RBM20: variants seen among roughly 807,000 people sequenced by gnomAD.
The protein encoded by RBM20 is RNA binding motif protein 20.
A neutral mutation model predicts 110.1 loss-of-function variants in RBM20; 51 were observed. The observed-to-expected ratio is 0.46, with a 90% CI of 0.37 to 0.59. The LOEUF (loss-of-function observed/expected upper bound fraction) is 0.59. Among genes scored for constraint, RBM20 ranks in the 20% least tolerant of loss-of-function variants. The pLI, the probability that RBM20 is intolerant of heterozygous loss-of-function variation, is 0.00. For synonymous variants in RBM20, 589 were observed against 618.2 expected, an observed-to-expected ratio of 0.95 and a Z score of 0.70; for missense variants, 1,512 against 1,574.9, an observed-to-expected ratio of 0.96 and a Z score of 0.68.
At chr10:110,748,646 T>A (rs1470475024) in intron 1 of RBM20, among the ~76,000 whole-genome samples, 2 of 152,160 alleles carry the variant, frequency 1.3e-5, no homozygotes, top group Non-Finnish European at 2.9e-5. Flanking sequence ...AGTTGTTGTG[T>A]CCCTGGACTA....
chr10:110,678,214 CA>C (rs1441699948), intron 1 of RBM20, among the ~76,000 whole-genome samples: 1 of 152,094 alleles, frequency 6.6e-6, no homozygotes, highest in Non-Finnish European at 1.5e-5. Flanking sequence ...TTTATCCACA[CA>C]AAACAAATCC....
chr10:110,752,736 A>G (rs1843869221), intron 1 of RBM20, among the ~76,000 whole-genome samples: 1 of 151,970 alleles, frequency 6.6e-6, no homozygotes, highest in African/African-American at 2.4e-5. Context: ...GGGTCAATAA[A>G]TGGGATGCCC....
At chr10:110,720,793 T>G (rs898429803) in intron 1 of RBM20, among the ~76,000 whole-genome samples, 4 of 151,218 alleles carry the variant, frequency 2.6e-5, no homozygotes, top group Non-Finnish European at 5.9e-5. Context: ...GGAGTGACCG[T>G]TGAAAATGCA....
chr10:110,799,531 C>G (rs7086491), intron 6 of RBM20, among the ~76,000 whole-genome samples: 2 of 151,940 alleles, frequency 1.3e-5, no homozygotes, highest in Non-Finnish European at 2.9e-5. Context: ...TTCCATTAAT[C>G]GGTTACATGT....
chr10:110,727,144 T>A (rs1391724451), intron 1 of RBM20, among the ~76,000 whole-genome samples: 2 of 51,388 alleles, frequency 3.9e-5, no homozygotes, highest in South Asian at 5.7e-4. Flanking sequence ...GCACCCAGCC[T>A]TTTTTTTTTT....
chr10:110,767,459 G>T (rs1389288400), intron 1 of RBM20, among the ~76,000 whole-genome samples: 3 of 151,170 alleles, frequency 2.0e-5, no homozygotes, highest in Non-Finnish European at 4.4e-5. Flanking sequence ...AGACGGGGTG[G>T]CTGCCGGGCG....
rs374921844 is a variant in RBM20, at chr10:110,781,491, C to T, written c.882C>T (p.Ser294=). 29 of 1,551,512 alleles carry T rather than the reference C, an allele frequency of 1.9e-5. No homozygotes were observed. In the African/African-American group the frequency reaches 2.3e-4, roughly 12 times the overall value. Residue 294 remains serine (S), a synonymous_variant, in exon 2 of 14, where the codon AGC becomes AGT. Coordinates refer to ENST00000369519, the MANE Select transcript of RBM20 (RefSeq NM_001134363.3). ...GPNSQGSHVA[S]GFPAEQAGGL... The stretch of plus-strand genomic sequence containing the variant: ...ACTCCCAAGGTTCACATGTGGCCAG[C>T]GGATTTCCAGCTGAGCAGGCTGGGG...
At chr10:110,725,197 C>T (rs1020348370) in intron 1 of RBM20, among the ~76,000 whole-genome samples, 3 of 152,188 alleles carry the variant, frequency 2.0e-5, no homozygotes, top group African/African-American at 7.2e-5. Context: ...GTGGTGCTAA[C>T]ATTTTGGAAT....
intron 7 of RBM20, among the ~76,000 whole-genome samples, chr10:110,805,226 C>T (rs913022366): frequency 2.0e-5 from 3 of 152,124 alleles, no homozygotes; most frequent in Admixed American, 6.5e-5. Context: ...TGGCAAAAGG[C>T]AGTGTGACTG....
In RBM20 at chr10:110,812,590, G is replaced by A; in HGVS notation, c.2193G>A (p.Arg731=). 2 of 1,551,638 alleles carry A rather than the reference G, an allele frequency of 1.3e-6. No individual in the cohort carries two copies. The highest frequency in any genetic ancestry group is 1.2e-5 in the South Asian group (1 of 84,050). ...TGGACGAGCGACCAGAAGGAGGGAG[G>A]CCCCACCGGGAGAAGTACCCGAGAT... ...AELDERPEGG[R]PHREKYPRSG... The change falls in exon 9 of 14, where the codon AGG becomes AGA. Residue 731 remains arginine (R), a synonymous_variant. Coordinates refer to ENST00000369519, the MANE Select transcript of RBM20 (RefSeq NM_001134363.3).
rs1044505136 is a variant in RBM20 at position 110,782,653 on chromosome 10, G to A, written c.1276-713G>A. Reference sequence around the variant, plus strand: ...ATGACTTACTCAGCCCCTTCTCCCCGCCACCTCCCCAGCTTGAAAGTGGCA... The same window carrying A: ...ATGACTTACTCAGCCCCTTCTCCCCACCACCTCCCCAGCTTGAAAGTGGCA... On this transcript the variant is annotated intron_variant, in intron 2 of 13. Coordinates refer to ENST00000369519, the MANE Select transcript of RBM20 (RefSeq NM_001134363.3). Among the ~76,000 whole-genome samples the A allele has an allele frequency of 1.3e-4, 20 of 152,040 alleles. 1 individual carries two copies. The highest frequency in any genetic ancestry group is 3.8e-4 in the East Asian group (2 of 5,202).
intron 1 of RBM20, among the ~76,000 whole-genome samples, chr10:110,762,825 A>G (rs1844024450): frequency 6.6e-6 from 1 of 152,230 alleles, no homozygotes; most frequent in African/African-American, 2.4e-5. Flanking sequence ...GCTTTTCAAT[A>G]AACTCTTAGT....
intron 13 of RBM20, among the ~76,000 whole-genome samples, chr10:110,832,664 C>T (rs958684721): frequency 4.6e-5 from 7 of 152,192 alleles, no homozygotes; most frequent in African/African-American, 1.4e-4. Flanking sequence ...AGGATCAAAT[C>T]GCCTGATTCT....
intron 1 of RBM20, among the ~76,000 whole-genome samples, chr10:110,723,609 C>T (rs1843532300): frequency 6.6e-6 from 1 of 152,196 alleles, no homozygotes; most frequent in Non-Finnish European, 1.5e-5. Context: ...TTTTTGATTT[C>T]AGCCATTCTA....
At chr10:110,783,552 C>A in intron 3 of RBM20, 125 bp downstream of exon 3, 1 of 688,664 alleles carries the variant, frequency 1.5e-6, no homozygotes. Context: ...GGCAAAGTTC[C>A]TGCCCTCAAG....
rs1060504913 is a variant in RBM20 at position 110,812,359 on chromosome 10, C to T, written c.1962C>T (p.Ser654=). ...SPRSHTPSFT[S]CSSSHSPPGP... ...GGTCCCACACTCCCAGCTTCACCTC[C>T]TGCAGCTCTTCCCACAGCCCTCCGG... The change falls in exon 9 of 14, where the codon TCC becomes TCT. Residue 654 remains serine (S), a synonymous_variant. Coordinates refer to ENST00000369519, the MANE Select transcript of RBM20 (RefSeq NM_001134363.3). 2.2e-5 allele frequency: 34 copies of T among 1,551,526 alleles called. No individual in the cohort carries two copies. The highest frequency in any genetic ancestry group is 3.0e-5 in the Non-Finnish European group (34 of 1,147,020).
At chr10:110,748,703 G>A (rs1004318879) in intron 1 of RBM20, among the ~76,000 whole-genome samples, 4 of 151,978 alleles carry the variant, frequency 2.6e-5, no homozygotes, top group Non-Finnish European at 5.9e-5. Context: ...CTCGCTCTCT[G>A]TGTGTGTGAC....
intron 1 of RBM20, among the ~76,000 whole-genome samples, chr10:110,645,413 T>C (rs1404162581): frequency 1.3e-5 from 2 of 152,238 alleles, no homozygotes; most frequent in Non-Finnish European, 2.9e-5. Flanking sequence ...GTTGGTTTAT[T>C]TGAAGGATCT....
intron 1 of RBM20, among the ~76,000 whole-genome samples, chr10:110,674,470 TTTCCAGA>T (rs1862304338): frequency 6.6e-6 from 1 of 152,228 alleles, no homozygotes; most frequent in Admixed American, 6.5e-5. Flanking sequence ...TCCAAGCCCA[TTTCCAGA>T]CGATGAGCAG....
Sources: allele counts gnomAD v4.1 joint callset (sites outside exome capture counted in the v4.1 genomes callset), GRCh38; gene constraint gnomAD v4.1.1; transcripts MANE v1.5; gene names NCBI Gene and HGNC (gene_info 2026-07-23, HGNC 2026-07-21).